Variants in PDCD10 observed in about 807,000 individuals in gnomAD.
PDCD10 encodes programmed cell death 10, also known as programmed cell death protein 10.
A neutral mutation model predicts 29.2 loss-of-function variants in PDCD10; 4 were observed. That is an observed-to-expected ratio of 0.14 (90% CI 0.07 to 0.31). The LOEUF (loss-of-function observed/expected upper bound fraction) is 0.31, where lower values mean the gene tolerates loss of function less well. PDCD10 is among the 10% of genes least tolerant of loss of function. PDCD10 has a pLI of 1.00. For synonymous variants in PDCD10, 70 were observed against 82.2 expected (o/e 0.85, Z 0.80); for missense variants, 183 against 257.9 (o/e 0.71, Z 1.99).
intron 8 of PDCD10, among the ~76,000 whole-genome samples, chr3:167,686,179 A>C (rs940159556): frequency 6.6e-6 from 1 of 152,204 alleles, no homozygotes; most frequent in African/African-American, 2.4e-5. Flanking sequence ...CTTGAAGTGC[A>C]AATAACTACC....
intron 6 of PDCD10, among the ~76,000 whole-genome samples, chr3:167,692,329 T>C (rs1720333523): frequency 6.6e-6 from 1 of 152,202 alleles, no homozygotes; most frequent in Non-Finnish European, 1.5e-5. Flanking sequence ...CATTTATGTT[T>C]CATAAAGTGC....
chr3:167,715,397 A>C (rs1722906827), intron 3 of PDCD10, among the ~76,000 whole-genome samples: 1 of 151,964 alleles, frequency 6.6e-6, no homozygotes, highest in Non-Finnish European at 1.5e-5. Context: ...CAGGCAACCA[A>C]AGGAAACATG....
rs188295058 is a variant in PDCD10, at chr3:167,684,608, T to C, written c.558-219A>G. Among the ~76,000 whole-genome samples, 7 of 152,234 alleles carry C rather than the reference T, an allele frequency of 4.6e-5. No individual in the cohort carries two copies. The East Asian group carries it at 1.4e-3, about 29-fold the overall frequency. ...CTGGTGGTTCTGACTGGTAATAAAA[T>C]GTTGGAGGACTGCTAATGATAGTGC... On this transcript the variant is annotated intron_variant, in intron 8 of 8. Coordinates refer to ENST00000392750, the MANE Select transcript of PDCD10 (RefSeq NM_007217.4).
At position 167,695,707 on chromosome 3, in the gene PDCD10, C is replaced by T. The variant is rs756441925; in HGVS notation, c.284G>A (p.Arg95Gln). Reference sequence around the variant, plus strand: ...TAGGTCTTGGAATTCTGGCTCTGGTCGTTCAATCATATACTCTGATAAAAT... The same window carrying T: ...TAGGTCTTGGAATTCTGGCTCTGGTTGTTCAATCATATACTCTGATAAAAT... The part of the protein sequence containing the change: ...ADDVEEYMIE[R>Q]PEPEFQDLNE... The change falls in exon 6 of 9, where the codon CGA (arginine) becomes CAA (glutamine). Residue 95 changes from arginine to glutamine, a missense_variant. Arg to Gln is a conservative substitution (Grantham distance 43). Transcript: ENST00000392750. 4 of 1,613,542 alleles carry T rather than the reference C, an allele frequency of 2.5e-6. No homozygotes were observed. The highest frequency in any genetic ancestry group is 1.1e-5 in the South Asian group (1 of 91,044).
chr3:167,705,885 T>C (rs1174820120), intron 3 of PDCD10, among the ~76,000 whole-genome samples: 2 of 152,208 alleles, frequency 1.3e-5, no homozygotes, highest in Admixed American at 6.5e-5. Context: ...ATTACTAAGA[T>C]TAAAATAACA....
At chr3:167,720,036 T>C in intron 3 of PDCD10, 26 bp downstream of exon 3, 1 of 1,325,208 alleles carries the variant, frequency 7.5e-7, no homozygotes, top group Non-Finnish European at 1.1e-6. Context: ...GCAGAGTTCA[T>C]GCAAGAACAT....
chr3:167,715,245 GC>G (rs1352071062), intron 3 of PDCD10, among the ~76,000 whole-genome samples: 1 of 151,804 alleles, frequency 6.6e-6, no homozygotes, highest in Middle Eastern at 3.2e-3. Context: ...CCTATCTCTT[GC>G]CATATATAAA....
chr3:167,711,119 C>T (rs542851534), intron 3 of PDCD10, among the ~76,000 whole-genome samples: 3 of 152,262 alleles, frequency 2.0e-5, no homozygotes, highest in South Asian at 2.1e-4. Flanking sequence ...CAGACACCAA[C>T]GAACATCCAG....
rs138138357 is a variant in PDCD10, at chr3:167,722,317, C to T, written c.-116-2044G>A. 3.7e-3 allele frequency among the ~76,000 whole-genome samples: 556 copies of T among 152,114 alleles called. 3 individuals carry two copies. The highest frequency in any genetic ancestry group is 5.7e-3 in the Non-Finnish European group (387 of 67,980). On this transcript the variant is annotated intron_variant, in intron 2 of 8. Transcript: ENST00000392750. ...ACGGTATTAAATATAGAGCAGTGAA[C>T]AAGACAAGACAGTCTCTGACCCCAT...
intron 2 of PDCD10, among the ~76,000 whole-genome samples, chr3:167,727,815 A>G (rs1217189887): frequency 2.6e-5 from 4 of 152,230 alleles, no homozygotes; most frequent in African/African-American, 9.6e-5. Context: ...AAAACATGCA[A>G]CAGGTACTTT....
chr3:167,709,193 A>G (rs1036666346), intron 3 of PDCD10, among the ~76,000 whole-genome samples: 1 of 152,186 alleles, frequency 6.6e-6, no homozygotes, highest in African/African-American at 2.4e-5. Context: ...GGCCGAATCA[A>G]AGCCTCCATT....
At chr3:167,707,134 T>C (rs965891029) in intron 3 of PDCD10, among the ~76,000 whole-genome samples, 20 of 152,208 alleles carry the variant, frequency 1.3e-4, no homozygotes, top group Non-Finnish European at 2.2e-4. Context: ...CTGCCATCAG[T>C]TGAAGCAGAA....
intron 6 of PDCD10, among the ~76,000 whole-genome samples, chr3:167,688,664 C>T (rs1438611662): frequency 6.6e-6 from 1 of 152,100 alleles, no homozygotes; most frequent in Non-Finnish European, 1.5e-5. Flanking sequence ...GACAAACCTT[C>T]TTTTTCACAG....
intron 2 of PDCD10, among the ~76,000 whole-genome samples, chr3:167,721,731 TG>T (rs1255196186): frequency 6.6e-6 from 1 of 152,176 alleles, no homozygotes; most frequent in Non-Finnish European, 1.5e-5. Flanking sequence ...GTTTCTCACC[TG>T]AAACCTACTC....
intron 3 of PDCD10, among the ~76,000 whole-genome samples, chr3:167,713,751 T>TA (rs1483929618): frequency 4.0e-5 from 6 of 151,874 alleles, no homozygotes; most frequent in African/African-American, 1.5e-4. Context: ...ACTCAAAGGA[T>TA]CATTAGTGGC....
At chr3:167,705,302 T>C (rs1239392855) in intron 3 of PDCD10, among the ~76,000 whole-genome samples, 1 of 152,120 alleles carries the variant, frequency 6.6e-6, no homozygotes, top group Non-Finnish European at 1.5e-5. Flanking sequence ...AAATTCTGAT[T>C]TTTTCAGTCC....
intron 6 of PDCD10, among the ~76,000 whole-genome samples, chr3:167,690,690 C>A (rs1720135445): frequency 6.6e-6 from 1 of 152,124 alleles, no homozygotes; most frequent in Admixed American, 6.5e-5. Flanking sequence ...TTATCAACTC[C>A]ATTGAGAAAA....
intron 2 of PDCD10, among the ~76,000 whole-genome samples, chr3:167,726,308 A>G (rs1724174253): frequency 6.6e-6 from 1 of 151,896 alleles, no homozygotes; most frequent in Non-Finnish European, 1.5e-5. Flanking sequence ...CATGTTGGTC[A>G]GTTTGGTTTC....
chr3:167,686,497 C>T (rs567812990), intron 8 of PDCD10, among the ~76,000 whole-genome samples: 83 of 152,264 alleles, frequency 5.5e-4, no homozygotes, highest in African/African-American at 2.0e-3. Context: ...GGGGCCTAGG[C>T]AGTGGGAATT....
Sources: gnomAD v4.1 joint callset for allele counts (sites outside exome capture counted in the v4.1 genomes callset) on GRCh38, gnomAD v4.1.1 for gene constraint, MANE v1.5 for transcripts, NCBI Gene and HGNC (gene_info 2026-07-23, HGNC 2026-07-21) for gene names.